Variants in MAP3K3 observed in about 807,000 individuals in gnomAD.
MAP3K3 encodes the protein MAP/ERK kinase kinase 3.
MAP3K3 carries 12 observed loss-of-function variants against 80.9 expected under a neutral mutation model. The observed-to-expected ratio is 0.15, with a 90% confidence interval of 0.10 to 0.24. MAP3K3 has a LOEUF of 0.24. Ranked by LOEUF, MAP3K3 falls within the 10% of genes least tolerant of loss-of-function variation. MAP3K3 has a pLI of 1.00. For synonymous variants in MAP3K3, 272 were observed against 307.1 expected, an observed-to-expected ratio of 0.89 and a Z score of 1.19; for missense variants, 596 against 834.7, an observed-to-expected ratio of 0.71 and a Z score of 3.52.
intron 6 of MAP3K3, among the ~76,000 whole-genome samples, chr17:63,677,972 T>C (rs955072128): frequency 6.6e-6 from 1 of 152,204 alleles, no homozygotes; most frequent in Admixed American, 6.5e-5. Flanking sequence ...GGATTACTCA[T>C]GGGGGACAGA....
Position 63,689,139 on chromosome 17 carries a change from G to T in MAP3K3, c.871+258G>T. The T allele has an allele frequency of 1.7e-6, 1 of 573,890 alleles. No individual in the cohort carries two copies. Among genetic ancestry groups the T allele is most frequent in the Non-Finnish European group, 3.1e-6 (1 of 322,840 alleles). 35.5% of individuals were successfully genotyped at this position (573,890 alleles called of 1,614,324 possible). ...GCTCCAGGGGCACCATCTCTCCCAT[G>T]TCCTCTTCTGCCCCACAGCAGCAGG... is the stretch of plus-strand genomic sequence containing the variant. On this transcript the variant is annotated intron_variant, in intron 10 of 15. Coordinates refer to ENST00000361733, the MANE Select transcript of MAP3K3 (RefSeq NM_002401.5). This position sits in a 1 kb window ranked among gnomAD's most constrained non-coding sequence, Gnocchi z 4.3.
chr17:63,654,119 T>G (rs1379671422), intron 4 of MAP3K3, among the ~76,000 whole-genome samples: 1 of 152,162 alleles, frequency 6.6e-6, no homozygotes, highest in Non-Finnish European at 1.5e-5. Context: ...TCTGCCTGCC[T>G]CAGCCTCCCA....
chr17:63,656,584 G>A (rs543831116), intron 4 of MAP3K3, among the ~76,000 whole-genome samples: 5 of 152,126 alleles, frequency 3.3e-5, no homozygotes, highest in South Asian at 2.1e-4. Flanking sequence ...CAGCCTGGGC[G>A]ACAGAGTAAG....
chr17:63,681,220 G>A (rs576914458), intron 6 of MAP3K3, among the ~76,000 whole-genome samples: 6 of 152,082 alleles, frequency 3.9e-5, no homozygotes, highest in African/African-American at 1.4e-4. Context: ...CATCACGAAG[G>A]CCTTTTTACC....
Position 63,662,718 on chromosome 17 carries a change from C to T in MAP3K3, c.382-4222C>T, listed in dbSNP as rs191992791. ...TGTCACCCAGGTTGGAGTGCAGTGG[C>T]GCAATCTCAGCTCACCGCAGCCTCC... is the stretch of plus-strand genomic sequence containing the variant. On this transcript the variant is annotated intron_variant, in intron 5 of 15. Coordinates refer to ENST00000361733, the MANE Select transcript of MAP3K3 (RefSeq NM_002401.5). Among the ~76,000 whole-genome samples the T allele has an allele frequency of 5.2e-4, 71 of 135,332 alleles. 1 individual carries two copies. Among genetic ancestry groups the T allele is most frequent in the African/African-American group, 1.9e-3 (66 of 35,356 alleles). 88.8% of individuals were successfully genotyped at this position (135,332 alleles called of 152,430 possible).
intron 1 of MAP3K3, 125 bp downstream of exon 1, chr17:63,622,888 G>A (rs1396691584): frequency 1.9e-5 from 3 of 156,390 alleles, no homozygotes; most frequent in African/African-American, 7.4e-5. Context: ...CCGGGGCTGC[G>A]GACCGCCGGC....
chr17:63,670,515 C>T (rs145136391), intron 6 of MAP3K3, among the ~76,000 whole-genome samples: 2 of 143,268 alleles, frequency 1.4e-5, no homozygotes, highest in East Asian at 2.1e-4. Context: ...CCTGAGAGAT[C>T]GAGGCTGCAG....
Position 63,673,330 on chromosome 17 carries a change from G to A in MAP3K3, c.502+6270G>A, listed in dbSNP as rs2035147819. Reference sequence around the variant, plus strand: ...CCCTTTGTTGTTTCCATCATAATATGCATACCTTGAATTCCAGGTTTTTTT... The same window carrying A: ...CCCTTTGTTGTTTCCATCATAATATACATACCTTGAATTCCAGGTTTTTTT... On this transcript the variant is annotated intron_variant, in intron 6 of 15. Transcript: ENST00000361733. Among the ~76,000 whole-genome samples, 2 of 151,970 alleles carry A rather than the reference G, an allele frequency of 1.3e-5. 1 individual carries two copies. The highest frequency in any genetic ancestry group is 4.1e-4 in the South Asian group (2 of 4,824).
At position 63,689,366 on chromosome 17, in the gene MAP3K3, A is replaced by C; in HGVS notation, c.872-178A>C. On this transcript the variant is annotated intron_variant, in intron 10 of 15. Coordinates refer to ENST00000361733, the MANE Select transcript of MAP3K3 (RefSeq NM_002401.5). This position sits in a 1 kb window ranked among gnomAD's most constrained non-coding sequence, Gnocchi z 4.3. ...TGCTTGGGACAGCAGCCTCTGTGGA[A>C]TGAGTCAGGTGGGAGTGCGGACGGG... is the stretch of plus-strand genomic sequence containing the variant. 1 of 592,192 alleles carries C rather than the reference A, an allele frequency of 1.7e-6. No individual in the cohort carries two copies. The highest frequency in any genetic ancestry group is 3.0e-6 in the Non-Finnish European group (1 of 333,846). The allele number at this position is 592,192 out of a possible 1,614,324, so 36.7% of individuals were successfully genotyped here.
At chr17:63,638,264 A>G (rs2034372264) in intron 2 of MAP3K3, among the ~76,000 whole-genome samples, 1 of 152,154 alleles carries the variant, frequency 6.6e-6, no homozygotes, top group Admixed American at 6.5e-5. Context: ...CTCTTTGGCA[A>G]AATAAGGACT....
rs768845358 is a variant in MAP3K3 at position 63,667,039 on chromosome 17, A to G, written c.481A>G (p.Arg161Gly). 2 of 1,610,242 alleles carry G rather than the reference A, an allele frequency of 1.2e-6. No homozygotes were observed. The highest frequency in any genetic ancestry group is 1.7e-6 in the Non-Finnish European group (2 of 1,179,184). ...INTIYQPPEP[R>G]SRHLSVSSQN... is the part of the protein sequence containing the mutation. ...TACTATCTACCAGCCCCCCGAGCCCAGAAGCAGGCACCTCTCTGTCAGTGA... is the reference window on the plus strand; with the variant it reads ...TACTATCTACCAGCCCCCCGAGCCCGGAAGCAGGCACCTCTCTGTCAGTGA... The change falls in exon 6 of 16, where the codon AGA becomes GGA. Residue 161 changes from arginine (R) to glycine (G), a missense_variant. By Grantham distance (125) the Arg-to-Gly change is moderately radical. Transcript: ENST00000361733.
At chr17:63,657,989 AT>A in intron 5 of MAP3K3, 82 bp downstream of exon 5, 1 of 728,750 alleles carries the variant, frequency 1.4e-6, no homozygotes, top group Non-Finnish European at 2.3e-6. Flanking sequence ...CTTGACAGAC[AT>A]TTTCGTTCCT....
intron 3 of MAP3K3, among the ~76,000 whole-genome samples, chr17:63,646,344 G>A (rs931043968): frequency 1.3e-5 from 2 of 152,178 alleles, no homozygotes; most frequent in African/African-American, 4.8e-5. Flanking sequence ...CATTTTATTA[G>A]GAAGTGAGGA....
At chr17:63,688,709 T>C in intron 9 of MAP3K3, 80 bp from the exon 10 acceptor site, 1 of 1,407,254 alleles carries the variant, frequency 7.1e-7, no homozygotes, top group Non-Finnish European at 1.0e-6. Context: ...CTTTGAGGTC[T>C]CAGGTGCCTT....
At chr17:63,640,821 T>C (rs1048868597) in intron 2 of MAP3K3, among the ~76,000 whole-genome samples, 1 of 151,786 alleles carries the variant, frequency 6.6e-6, no homozygotes, top group Non-Finnish European at 1.5e-5. Flanking sequence ...GGGAAGAGAG[T>C]ATAGAACTTG....
At chr17:63,639,911 T>C (rs2034407376) in intron 2 of MAP3K3, among the ~76,000 whole-genome samples, 1 of 152,118 alleles carries the variant, frequency 6.6e-6, no homozygotes, top group South Asian at 2.1e-4. Context: ...GATATAATGC[T>C]TTATATCTTA....
rs111732344 is a variant in MAP3K3 at position 63,636,536 on chromosome 17, T to C, written c.126+3734T>C. The C allele has an allele frequency of 5.6e-3, 873 of 155,486 alleles. 7 individuals carry two copies. The highest frequency in any genetic ancestry group is 0.02 in the African/African-American group (845 of 41,572). 9.6% of individuals were successfully genotyped at this position (155,486 alleles called of 1,614,324 possible). A position where few individuals can be genotyped will look rare whatever the true frequency, so the allele number is the denominator to read the frequency against. The stretch of plus-strand genomic sequence containing the variant: ...GCAGTCATTAACTCACAGTGAGTTA[T>C]CAATGGGTGTTAGTTCTCTGTGGGT... On this transcript the variant is annotated intron_variant, in intron 2 of 15. Coordinates refer to ENST00000361733, the MANE Select transcript of MAP3K3 (RefSeq NM_002401.5).
rs971860313 is a variant in MAP3K3 at position 63,689,422 on chromosome 17, C to T, written c.872-122C>T. 9.0e-5 allele frequency: 71 copies of T among 789,152 alleles called. No homozygotes were observed. The highest frequency in any genetic ancestry group is 3.5e-5 in the African/African-American group (2 of 57,704). The allele number at this position is 789,152 out of a possible 1,614,324, so 48.9% of individuals were successfully genotyped here. A position where few individuals can be genotyped will look rare whatever the true frequency, so the allele number is the denominator to read the frequency against. On this transcript the variant is annotated intron_variant, in intron 10 of 15. Transcript: ENST00000361733. This position sits in a 1 kb window ranked among gnomAD's most constrained non-coding sequence, Gnocchi z 4.3. The stretch of plus-strand genomic sequence containing the variant: ...CTGGAGCTGGTATTATCTATCACTT[C>T]TGGCTGAGACCTGGTTTGTATATTC...
At chr17:63,688,442 G>T (rs1321342298) in intron 8 of MAP3K3, 85 bp from the exon 9 acceptor site, 1 of 1,035,388 alleles carries the variant, frequency 9.7e-7, no homozygotes, top group African/African-American at 1.6e-5. Flanking sequence ...CTGTGGCAGG[G>T]GTTAGAAAGG....
Sources: allele counts gnomAD v4.1 joint callset (sites outside exome capture counted in the v4.1 genomes callset), GRCh38; gene constraint gnomAD v4.1.1; non-coding constraint Gnocchi (gnomAD v3.1); transcripts MANE v1.5; gene names NCBI Gene and HGNC (gene_info 2026-07-23, HGNC 2026-07-21).